Variants in RERE observed in about 807,000 individuals in gnomAD.
The protein encoded by RERE is arginine-glutamic acid dipeptide repeats protein.
RERE carries 40 observed loss-of-function variants against 146.1 expected under a neutral mutation model. The ratio of observed to expected loss-of-function variants is 0.27; its 90% CI spans 0.21 to 0.36. The LOEUF is 0.36. Ranked by LOEUF, RERE falls within the 10% of genes least tolerant of loss-of-function variation. The pLI is 1.00. For synonymous variants in RERE, 1,003 were observed against 866.0 expected (o/e 1.16, Z -2.78); for missense variants, 1,933 against 2,138.7 (o/e 0.90, Z 1.90).
intron 10 of RERE, among the ~76,000 whole-genome samples, chr1:8,475,686 A>C (rs1433295152): frequency 6.6e-6 from 1 of 151,108 alleles, no homozygotes; most frequent in Non-Finnish European, 1.5e-5. Flanking sequence ...CTGTCTCAAG[A>C]GAAAAAAAAA....
chr1:8,816,111 G>A (rs12146025), intron 1 of RERE, among the ~76,000 whole-genome samples: 2 of 152,076 alleles, frequency 1.3e-5, no homozygotes, highest in African/African-American at 4.8e-5. Flanking sequence ...GTGTACACTA[G>A]ACAAAAAGGT....
At chr1:8,700,403 TGA>T (rs1383591737) in intron 1 of RERE, among the ~76,000 whole-genome samples, 1 of 152,062 alleles carries the variant, frequency 6.6e-6, no homozygotes, top group Admixed American at 6.5e-5. Flanking sequence ...ACCAGACCAC[TGA>T]GAACCCATGT....
chr1:8,589,090 C>T (rs576742192), intron 4 of RERE, among the ~76,000 whole-genome samples: 34 of 152,206 alleles, frequency 2.2e-4, no homozygotes, highest in African/African-American at 8.2e-4. Flanking sequence ...TGCCACTACA[C>T]TCCAGCCTGG....
chr1:8,401,428 T>A (rs1408413857), intron 12 of RERE, among the ~76,000 whole-genome samples: 1 of 148,234 alleles, frequency 6.7e-6, no homozygotes, highest in Non-Finnish European at 1.5e-5. Flanking sequence ...CGCAACAGAG[T>A]GAGAACCTGT....
intron 1 of RERE, among the ~76,000 whole-genome samples, chr1:8,770,879 A>G (rs1278944987): frequency 1.3e-5 from 2 of 152,220 alleles, no homozygotes; most frequent in Admixed American, 6.5e-5. Context: ...GAGGCAGTCT[A>G]AACATCTATC....
chr1:8,488,723 T>A (rs1644937499), intron 10 of RERE, among the ~76,000 whole-genome samples: 1 of 152,040 alleles, frequency 6.6e-6, no homozygotes, highest in Non-Finnish European at 1.5e-5. Context: ...TAACGATCAA[T>A]GAGACAGAAT....
chr1:8,528,734 T>C (rs1645600258), intron 7 of RERE, among the ~76,000 whole-genome samples: 1 of 151,796 alleles, frequency 6.6e-6, no homozygotes, highest in Admixed American at 6.6e-5. Context: ...AAACATGAAA[T>C]CCAAAACACT....
At chr1:8,501,802 G>A (rs1441322532) in intron 8 of RERE, among the ~76,000 whole-genome samples, 1 of 128,522 alleles carries the variant, frequency 7.8e-6, no homozygotes, top group Non-Finnish European at 1.7e-5. Context: ...CCGACCGGGA[G>A]GTGAGGGGCG....
intron 1 of RERE, among the ~76,000 whole-genome samples, chr1:8,677,477 T>A (rs1458989630): frequency 6.7e-6 from 1 of 149,954 alleles, no homozygotes; most frequent in Non-Finnish European, 1.5e-5. Context: ...AAAGAAATTG[T>A]TGATGCTTCC....
chr1:8,380,764 A>G (rs1642417803), intron 12 of RERE: 1 of 444,694 alleles, frequency 2.2e-6, no homozygotes, highest in Non-Finnish European at 4.5e-6. Context: ...TTTCTCTTTA[A>G]GGTGACTTCA....
intron 20 of RERE, among the ~76,000 whole-genome samples, chr1:8,357,912 T>C (rs1014415137): frequency 1.3e-5 from 2 of 152,244 alleles, no homozygotes; most frequent in African/African-American, 2.4e-5. Flanking sequence ...CCTGTGGGCC[T>C]AGGCCACTTC....
At chr1:8,642,172 C>A (rs1475066453) in intron 2 of RERE, among the ~76,000 whole-genome samples, 1 of 152,186 alleles carries the variant, frequency 6.6e-6, no homozygotes, top group Non-Finnish European at 1.5e-5. Context: ...TAACACTTAA[C>A]AAGGATTTTA....
chr1:8,380,715 CA>C (rs1343769746), intron 12 of RERE: 2 of 382,650 alleles, frequency 5.2e-6, no homozygotes, highest in Non-Finnish European at 1.0e-5. Context: ...CAACACAAGT[CA>C]AAATCCTCAG....
chr1:8,533,538 G>T (rs948630580), intron 7 of RERE, among the ~76,000 whole-genome samples: 4 of 152,104 alleles, frequency 2.6e-5, no homozygotes, highest in African/African-American at 9.7e-5. Context: ...CTTCTGCCAG[G>T]TATCTTGAAG....
chr1:8,384,924 T>C (rs376044699), intron 12 of RERE, among the ~76,000 whole-genome samples: 3 of 152,344 alleles, frequency 2.0e-5, no homozygotes, highest in Non-Finnish European at 2.9e-5. Flanking sequence ...AACAACCACA[T>C]TGACTTCAAG....
At chr1:8,530,553 T>C (rs1019706255) in intron 7 of RERE, among the ~76,000 whole-genome samples, 2 of 152,088 alleles carry the variant, frequency 1.3e-5, no homozygotes, top group Non-Finnish European at 2.9e-5. Flanking sequence ...GAGAAAAAGT[T>C]TGGAAGAGAT....
At chr1:8,472,029 C>G (rs1357425965) in intron 10 of RERE, among the ~76,000 whole-genome samples, 1 of 152,174 alleles carries the variant, frequency 6.6e-6, no homozygotes, top group Non-Finnish European at 1.5e-5. Flanking sequence ...CCAGGCTGGT[C>G]TTGAACTCCT....
chr1:8,784,647 A>G (rs1002750329), intron 1 of RERE, among the ~76,000 whole-genome samples: 2 of 152,156 alleles, frequency 1.3e-5, no homozygotes, highest in Non-Finnish European at 2.9e-5. Context: ...GCTACCCAAA[A>G]AAGGTTTCCA....
At chr1:8,734,778 T>C (rs900288670) in intron 1 of RERE, among the ~76,000 whole-genome samples, 1 of 152,212 alleles carries the variant, frequency 6.6e-6, no homozygotes, top group Non-Finnish European at 1.5e-5. Context: ...CATTATGAAC[T>C]ACTGGAATTT....
Sources: allele counts gnomAD v4.1 joint callset (sites outside exome capture counted in the v4.1 genomes callset), GRCh38; gene constraint gnomAD v4.1.1; transcripts MANE v1.5; gene names NCBI Gene and HGNC (gene_info 2026-07-23, HGNC 2026-07-21).